Variants in PTPRD observed in about 807,000 individuals in gnomAD.
PTPRD encodes the protein protein tyrosine phosphatase receptor type D.
A neutral mutation model predicts 214.5 loss-of-function variants in PTPRD; 34 were observed. The ratio of observed to expected loss-of-function variants is 0.16; its 90% CI spans 0.12 to 0.21. PTPRD has a LOEUF of 0.21. Ranked by LOEUF, PTPRD falls within the 10% of genes least tolerant of loss-of-function variation. The pLI, the probability that PTPRD is intolerant of heterozygous loss-of-function variation, is 1.00. For missense variants in PTPRD, 2,545 were observed against 2,398.7 expected, an observed-to-expected ratio of 1.06 and a Z score of -1.27; for synonymous variants, 1,128 against 845.7, an observed-to-expected ratio of 1.33 and a Z score of -5.79.
chr9:10,597,403 T>C (rs1396709425), intron 2 of PTPRD, among the ~76,000 whole-genome samples: 1 of 151,804 alleles, frequency 6.6e-6, no homozygotes. Flanking sequence ...GGTTTCATTC[T>C]TCAAATAAAT....
chr9:8,879,919 A>C (rs1460616871), intron 11 of PTPRD, among the ~76,000 whole-genome samples: 2 of 152,158 alleles, frequency 1.3e-5, no homozygotes, highest in Non-Finnish European at 2.9e-5. Flanking sequence ...CTTCCAGTTC[A>C]CAGAAAAGGA....
intron 3 of PTPRD, among the ~76,000 whole-genome samples, chr9:10,050,870 C>G (rs2097524362): frequency 6.6e-6 from 1 of 151,994 alleles, no homozygotes; most frequent in Non-Finnish European, 1.5e-5. Context: ...CTCTATCTAA[C>G]TATCTATTAG....
intron 3 of PTPRD, among the ~76,000 whole-genome samples, chr9:10,245,865 T>C (rs1444814169): frequency 6.6e-6 from 1 of 152,130 alleles, no homozygotes; most frequent in Non-Finnish European, 1.5e-5. Flanking sequence ...AGGGATTTTC[T>C]TAAAGCTTCA....
chr9:9,977,981 A>G (rs2095416545), intron 4 of PTPRD, among the ~76,000 whole-genome samples: 2 of 152,122 alleles, frequency 1.3e-5, no homozygotes. Flanking sequence ...GGAAAGTGGG[A>G]AAACCTGTTG....
chr9:9,090,220 C>G (rs1167900457), intron 10 of PTPRD, among the ~76,000 whole-genome samples: 1 of 152,122 alleles, frequency 6.6e-6, no homozygotes, highest in Non-Finnish European at 1.5e-5. Context: ...GCCCTCCATA[C>G]CCTTCTCAGC....
intron 11 of PTPRD, among the ~76,000 whole-genome samples, chr9:9,005,779 A>C (rs2099461076): frequency 6.6e-6 from 1 of 152,040 alleles, no homozygotes; most frequent in Non-Finnish European, 1.5e-5. Flanking sequence ...CAGACGAGGA[A>C]ATCAAGATTT....
intron 11 of PTPRD, among the ~76,000 whole-genome samples, chr9:8,734,976 C>T (rs941300859): frequency 1.3e-5 from 2 of 152,054 alleles, no homozygotes; most frequent in Non-Finnish European, 2.9e-5. Context: ...TTTGGAAAAC[C>T]TGAGTTTCCT....
At chr9:10,186,047 T>C (rs1296550875) in intron 3 of PTPRD, among the ~76,000 whole-genome samples, 3 of 151,964 alleles carry the variant, frequency 2.0e-5, no homozygotes, top group Non-Finnish European at 4.4e-5. Flanking sequence ...TACCAGAACA[T>C]GCACAGTGGT....
At chr9:9,319,669 T>C (rs1965400668) in intron 9 of PTPRD, among the ~76,000 whole-genome samples, 1 of 152,198 alleles carries the variant, frequency 6.6e-6, no homozygotes, top group Non-Finnish European at 1.5e-5. Context: ...AGCTCTTACG[T>C]AGTTCAGAAG....
chr9:10,214,723 T>C (rs1326132717), intron 3 of PTPRD, among the ~76,000 whole-genome samples: 1 of 152,140 alleles, frequency 6.6e-6, no homozygotes, highest in South Asian at 2.1e-4. Context: ...ACAATTCAGA[T>C]AGAGATGCCA....
Position 9,849,699 on chromosome 9 carries a change from C to G in PTPRD, c.-367-82848G>C, listed in dbSNP as rs184161447. Among the ~76,000 whole-genome samples the G allele has an allele frequency of 3.3e-5, 5 of 152,144 alleles. No individual in the cohort carries two copies. The East Asian group carries it at 9.7e-4, about 29-fold the overall frequency. On this transcript the variant is annotated intron_variant, in intron 5 of 45. Transcript: ENST00000381196. ...TAGTTCATGATCTTCAGATGTCAGT[C>G]CCCACTGAATCAGTGCTAAGGAAAT...
chr9:9,061,455 A>G (rs899073513), intron 10 of PTPRD, among the ~76,000 whole-genome samples: 1 of 152,182 alleles, frequency 6.6e-6, no homozygotes, highest in African/African-American at 2.4e-5. Context: ...ACTATTGAAT[A>G]TATTATGATT....
chr9:8,352,042 G>A (rs533230426), intron 39 of PTPRD, among the ~76,000 whole-genome samples: 16 of 148,090 alleles, frequency 1.1e-4, no homozygotes, highest in African/African-American at 3.5e-4. Flanking sequence ...CCAAAACTCC[G>A]TCTCGAGAAA....
chr9:10,118,767 C>T (rs1030469706), intron 3 of PTPRD, among the ~76,000 whole-genome samples: 1 of 151,370 alleles, frequency 6.6e-6, no homozygotes, highest in African/African-American at 2.4e-5. Context: ...AATCCAATCA[C>T]AACTAGAATT....
chr9:9,555,080 T>C (rs2081193845), intron 8 of PTPRD, among the ~76,000 whole-genome samples: 1 of 152,060 alleles, frequency 6.6e-6, no homozygotes. Context: ...TTTAAAGGCA[T>C]AAGTGCATAA....
chr9:10,098,642 T>C (rs1307908895), intron 3 of PTPRD, among the ~76,000 whole-genome samples: 1 of 151,774 alleles, frequency 6.6e-6, no homozygotes. Context: ...AGAACACAGT[T>C]TTGTTTTTGG....
intron 3 of PTPRD, among the ~76,000 whole-genome samples, chr9:10,214,260 T>A (rs1034985543): frequency 6.6e-6 from 1 of 151,846 alleles, no homozygotes; most frequent in Non-Finnish European, 1.5e-5. Context: ...TCATTTGCAA[T>A]TAATTCTTTT....
intron 10 of PTPRD, among the ~76,000 whole-genome samples, chr9:9,098,986 G>GA (rs1442103984): frequency 6.6e-6 from 1 of 152,022 alleles, no homozygotes; most frequent in African/African-American, 2.4e-5. Context: ...CAGTGAAAAA[G>GA]AAAAAATGTG....
intron 14 of PTPRD, among the ~76,000 whole-genome samples, chr9:8,547,378 G>C (rs932368412): frequency 6.6e-6 from 1 of 152,174 alleles, no homozygotes; most frequent in South Asian, 2.1e-4. Context: ...GGCATAGTGG[G>C]CCAGGCATGG....
Sources: gnomAD v4.1 joint callset for allele counts (sites outside exome capture counted in the v4.1 genomes callset) on GRCh38, gnomAD v4.1.1 for gene constraint, MANE v1.5 for transcripts, NCBI Gene and HGNC (gene_info 2026-07-23, HGNC 2026-07-21) for gene names.